The following AKAP10 variants were observed in gnomAD, a reference collection of about 807,000 sequenced individuals.
AKAP10 encodes A-kinase anchor protein 10, mitochondrial.
A neutral mutation model predicts 80.8 loss-of-function variants in AKAP10; 24 were observed. The observed-to-expected ratio is 0.30, with a 90% confidence interval of 0.22 to 0.42. AKAP10 has a LOEUF of 0.42. Ranked by LOEUF, AKAP10 falls within the 10% of genes least tolerant of loss-of-function variation. The pLI is 1.00. For missense variants in AKAP10, 661 were observed against 794.9 expected (o/e 0.83, Z 2.03); for synonymous variants, 291 against 277.7 (o/e 1.05, Z -0.48).
chr17:19,930,039 A>G (rs1018315866), intron 10 of AKAP10, among the ~76,000 whole-genome samples: 14 of 151,604 alleles, frequency 9.2e-5, no homozygotes, highest in African/African-American at 3.1e-4. Flanking sequence ...TCTAACCTAT[A>G]TCAAAAAACC....
At chr17:19,945,274 T>C (rs2043091021) in intron 5 of AKAP10, among the ~76,000 whole-genome samples, 2 of 152,236 alleles carry the variant, frequency 1.3e-5, no homozygotes, top group Non-Finnish European at 2.9e-5. Flanking sequence ...TTATTTGACT[T>C]GAAACTGCTT....
At chr17:19,936,021 T>C (rs1280123178) in intron 9 of AKAP10, 2 of 294,022 alleles carry the variant, frequency 6.8e-6, no homozygotes, top group African/African-American at 4.3e-5. Context: ...AATTTATTTT[T>C]TCTAACTTTT....
At chr17:19,970,122 T>C (rs1341271959) in intron 1 of AKAP10, among the ~76,000 whole-genome samples, 2 of 152,210 alleles carry the variant, frequency 1.3e-5, no homozygotes, top group East Asian at 1.9e-4. Flanking sequence ...CCATCTTCCA[T>C]AATTCCACTT....
rs544129183 is a variant in AKAP10, at chr17:19,951,037, C to T, written c.878-3532G>A. On this transcript the variant is annotated intron_variant, in intron 4 of 14. Transcript: ENST00000225737. ...GAGGTGAGGAGCGTCTCTGCCCGGC[C>T]GCCCCGTCTGAGAAGTGAGGAGCCC... Among the ~76,000 whole-genome samples, 58 of 151,288 alleles carry T rather than the reference C, an allele frequency of 3.8e-4. No individual in the cohort carries two copies. In the East Asian group the frequency reaches 0.01, roughly 27 times the overall value.
chr17:19,910,944 G>T (rs1420262635), intron 12 of AKAP10, among the ~76,000 whole-genome samples: 1 of 152,114 alleles, frequency 6.6e-6, no homozygotes, highest in Non-Finnish European at 1.5e-5. Context: ...GAAATACACA[G>T]CTTACTTTTT....
chr17:19,908,134 G>C (rs2042650851), intron 14 of AKAP10, among the ~76,000 whole-genome samples: 2 of 152,046 alleles, frequency 1.3e-5, no homozygotes, highest in South Asian at 2.1e-4. Flanking sequence ...CAAAGTGCTG[G>C]GATTACAGGC....
intron 7 of AKAP10, 96 bp downstream of exon 7, chr17:19,940,791 G>A (rs2152414439): frequency 1.5e-6 from 2 of 1,341,014 alleles, no homozygotes; most frequent in Non-Finnish European, 2.0e-6. Flanking sequence ...GAAATGACTT[G>A]GCTCTTCTGT....
intron 4 of AKAP10, among the ~76,000 whole-genome samples, chr17:19,956,743 G>A (rs2043280791): frequency 6.6e-6 from 1 of 152,100 alleles, no homozygotes; most frequent in African/African-American, 2.4e-5. Context: ...GGTGATTCAT[G>A]CCTGTAATCC....
Position 19,941,842 on chromosome 17 carries a change from T to C in AKAP10, c.1045A>G (p.Ser349Gly). 2 of 1,599,566 alleles carry C rather than the reference T, an allele frequency of 1.3e-6. No homozygotes were observed. Among genetic ancestry groups the C allele is most frequent in the Non-Finnish European group, 1.7e-6 (2 of 1,172,990 alleles). The change falls in exon 6 of 15, where the codon AGT becomes GGT. Residue 349 changes from serine (S) to glycine (G), a missense_variant. Physicochemically the swap from Ser to Gly is moderately conservative, Grantham distance 56 (BLOSUM62 0). Transcript: ENST00000225737. ...CFVLAQSIVF[S>G]AMEQEHFSEF... is the part of the protein sequence containing the mutation. ...CTAACTTACTCTTGCTCCATTGCAC[T>C]AAAGACTATGGACTGTGCCAAAACG...
intron 3 of AKAP10, among the ~76,000 whole-genome samples, chr17:19,962,166 C>T (rs1420874628): frequency 2.0e-5 from 3 of 151,922 alleles, no homozygotes; most frequent in African/African-American, 4.8e-5. Flanking sequence ...CCAGAGCATG[C>T]GTATACCACA....
intron 2 of AKAP10, among the ~76,000 whole-genome samples, chr17:19,964,023 G>A (rs939719092): frequency 1.3e-5 from 2 of 152,244 alleles, no homozygotes; most frequent in Non-Finnish European, 1.5e-5. Context: ...TTCAATAATA[G>A]TTGTGGGAAT....
At chr17:19,944,752 T>C (rs2043085765) in intron 5 of AKAP10, among the ~76,000 whole-genome samples, 1 of 152,240 alleles carries the variant, frequency 6.6e-6, no homozygotes, top group African/African-American at 2.4e-5. Context: ...TTCTGTCAGC[T>C]GTACCTTCAA....
chr17:19,939,734 T>C lies in AKAP10; in HGVS notation c.1301A>G (p.Asp434Gly). Residue 434 changes from aspartate (D) to glycine (G), a missense_variant, in exon 8 of 15, where the codon GAT becomes GGT. Coordinates refer to ENST00000225737, the MANE Select transcript of AKAP10 (RefSeq NM_007202.4). ...TCACTTGTCATATAAAATCATGGCA[T>C]CATTCTGTGCCTCCTGTCCATCATA... ...GQYDGQEAQN[D>G]AMILYDKYFS... 6.2e-7 allele frequency: 1 copy of C among 1,613,794 alleles called. No individual in the cohort carries two copies. Among genetic ancestry groups the C allele is most frequent in the Non-Finnish European group, 8.5e-7 (1 of 1,179,984 alleles).
In AKAP10 at chr17:19,907,410, C is replaced by CTTTTTTTT; in HGVS notation, c.1984-1186_1984-1179dup. Among the ~76,000 whole-genome samples, 2 of 136,412 alleles carry CTTTTTTTT rather than the reference C, an allele frequency of 1.5e-5. 1 individual carries two copies. The highest frequency in any genetic ancestry group is 3.2e-5 in the Non-Finnish European group (2 of 62,558). The allele number at this position is 136,412 out of a possible 152,430, so 89.5% of individuals were successfully genotyped here. On this transcript the variant is annotated intron_variant, in intron 14 of 14. Coordinates refer to ENST00000225737, the MANE Select transcript of AKAP10 (RefSeq NM_007202.4). ...CTCATTATACTCTTGTTTTCTTTAACTTTTTTTTTTTTTTTTTTGAGACAG... is the reference window on the plus strand; with the variant it reads ...CTCATTATACTCTTGTTTTCTTTAACTTTTTTTTTTTTTTTTTTTTTTTTTTGAGACAG...
At chr17:19,933,604 C>G (rs754132224) in intron 9 of AKAP10, among the ~76,000 whole-genome samples, 13 of 152,082 alleles carry the variant, frequency 8.5e-5, no homozygotes, top group Non-Finnish European at 5.9e-5. Context: ...CAGATCTGAA[C>G]TTTTCCTTTA....
At chr17:19,931,737 G>A in intron 10 of AKAP10, 68 bp downstream of exon 10, 1 of 1,493,092 alleles carries the variant, frequency 6.7e-7, no homozygotes, top group Middle Eastern at 1.8e-4. Context: ...AATAGGATCT[G>A]TTACTGGGAT....
intron 3 of AKAP10, among the ~76,000 whole-genome samples, chr17:19,959,389 T>G (rs2043322012): frequency 6.6e-6 from 1 of 152,108 alleles, no homozygotes; most frequent in Non-Finnish European, 1.5e-5. Context: ...TGGCAAAACC[T>G]TTTTGGAGGA....
At chr17:19,963,235 A>G (rs1188535545) in intron 2 of AKAP10, among the ~76,000 whole-genome samples, 1 of 129,436 alleles carries the variant, frequency 7.7e-6, no homozygotes, top group African/African-American at 2.9e-5. Flanking sequence ...TTTTTTTCCC[A>G]GACAGAGTCT....
At chr17:19,920,855 CAAAAAAAAA>C (rs61148312) in intron 11 of AKAP10, among the ~76,000 whole-genome samples, 68 of 35,318 alleles carry the variant, frequency 1.9e-3, no homozygotes, top group African/African-American at 7.8e-3. Flanking sequence ...GACTCTATCT[CAAAAAAAAA>C]AAAAAAAAAA....
Sources: allele counts gnomAD v4.1 joint callset (sites outside exome capture counted in the v4.1 genomes callset), GRCh38; gene constraint gnomAD v4.1.1; transcripts MANE v1.5; gene names NCBI Gene and HGNC (gene_info 2026-07-23, HGNC 2026-07-21).